The following BNC2 variants were observed in gnomAD, a reference collection of about 807,000 sequenced individuals.
The protein encoded by BNC2 is basonuclin zinc finger protein 2.
BNC2 carries 20 observed loss-of-function variants against 76.3 expected under a neutral mutation model. The ratio of observed to expected loss-of-function variants is 0.26; its 90% CI spans 0.18 to 0.38. The LOEUF is 0.38. Ranked by LOEUF, BNC2 falls within the 10% of genes least tolerant of loss-of-function variation. The pLI, the probability that BNC2 is intolerant of heterozygous loss-of-function variation, is 1.00. For synonymous variants in BNC2, 582 were observed against 514.8 expected (o/e 1.13, Z -1.77); for missense variants, 1,382 against 1,399.8 (o/e 0.99, Z 0.20).
intron 1 of BNC2, among the ~76,000 whole-genome samples, chr9:16,852,207 T>TTA (rs1052152586): frequency 2.6e-5 from 4 of 152,118 alleles, no homozygotes; most frequent in South Asian, 2.1e-4. Context: ...AATGTTCCCC[T>TTA]TATATATATA....
At chr9:16,797,608 T>C (rs541627529) in intron 1 of BNC2, among the ~76,000 whole-genome samples, 1 of 152,238 alleles carries the variant, frequency 6.6e-6, no homozygotes, top group African/African-American at 2.4e-5. Context: ...AGTAAGAGTG[T>C]CACACAAGTC....
At chr9:16,569,507 C>A (rs73419435) in intron 4 of BNC2, among the ~76,000 whole-genome samples, 2 of 152,034 alleles carry the variant, frequency 1.3e-5, no homozygotes, top group South Asian at 4.2e-4. Flanking sequence ...GGCATTTCCC[C>A]CTGTGGCCTT....
intron 1 of BNC2, among the ~76,000 whole-genome samples, chr9:16,862,937 C>G (rs1017954718): frequency 1.7e-4 from 24 of 140,914 alleles, no homozygotes; most frequent in Non-Finnish European, 3.2e-4. Context: ...TTTTTTGAGA[C>G]AAAGTCTTGC....
intron 3 of BNC2, among the ~76,000 whole-genome samples, chr9:16,692,388 C>T (rs750027135): frequency 6.6e-6 from 1 of 152,152 alleles, no homozygotes; most frequent in Non-Finnish European, 1.5e-5. Flanking sequence ...AAATCTCTAC[C>T]GCAATATCTT....
At position 16,770,694 on chromosome 9, in the gene BNC2, A is replaced by AC. The variant is rs946778849; in HGVS notation, c.4-32210dup. 7.9e-5 allele frequency among the ~76,000 whole-genome samples: 12 copies of AC among 151,260 alleles called. 1 individual carries two copies. In the South Asian group the frequency reaches 2.3e-3, roughly 29 times the overall value. ...AGCATGGGCAACATGGTAAAACCCC[A>AC]CCTCTACAAAAAATACAAAAATTAG... On this transcript the variant is annotated intron_variant, in intron 1 of 6. Transcript: ENST00000380672.
chr9:16,801,957 A>G (rs980454115), intron 1 of BNC2, among the ~76,000 whole-genome samples: 5 of 152,180 alleles, frequency 3.3e-5, no homozygotes, highest in South Asian at 2.1e-4. Context: ...AGTATCATCA[A>G]CTAGTATACA....
intron 1 of BNC2, among the ~76,000 whole-genome samples, chr9:16,860,867 G>C (rs907082232): frequency 1.3e-5 from 2 of 151,776 alleles, no homozygotes; most frequent in African/African-American, 4.8e-5. Context: ...CCAACATAGA[G>C]AAACCCTATC....
At chr9:16,568,376 C>T (rs1819225231) in intron 4 of BNC2, among the ~76,000 whole-genome samples, 1 of 152,122 alleles carries the variant, frequency 6.6e-6, no homozygotes, top group African/African-American at 2.4e-5. Context: ...ACTCCTATCT[C>T]AAATGTCCAG....
At chr9:16,725,435 T>C (rs1194158063) in intron 3 of BNC2, among the ~76,000 whole-genome samples, 3 of 151,864 alleles carry the variant, frequency 2.0e-5, no homozygotes, top group African/African-American at 4.8e-5. Context: ...TTTCCAAAAA[T>C]GCACAAGAGG....
At chr9:16,785,556 G>A (rs893944425) in intron 1 of BNC2, among the ~76,000 whole-genome samples, 5 of 86,840 alleles carry the variant, frequency 5.8e-5, no homozygotes, top group Admixed American at 1.6e-4. Context: ...CACTACACCC[G>A]GCTTTTTTTT....
At chr9:16,799,951 G>A (rs924245053) in intron 1 of BNC2, among the ~76,000 whole-genome samples, 6 of 152,038 alleles carry the variant, frequency 3.9e-5, no homozygotes, top group East Asian at 1.9e-4. Context: ...GAGGCCGGGC[G>A]CGGTGGCTCA....
chr9:16,665,729 C>T (rs1822272245), intron 3 of BNC2, among the ~76,000 whole-genome samples: 1 of 152,018 alleles, frequency 6.6e-6, no homozygotes, highest in African/African-American at 2.4e-5. Flanking sequence ...GAAACCAAGC[C>T]CTGGAACTGC....
chr9:16,573,057 A>C (rs1030857574), intron 4 of BNC2, among the ~76,000 whole-genome samples: 27 of 151,954 alleles, frequency 1.8e-4, no homozygotes, highest in African/African-American at 6.5e-4. Flanking sequence ...ACGAAACCCT[A>C]TCTCTACAAA....
At chr9:16,733,578 A>C (rs1824575982) in intron 2 of BNC2, among the ~76,000 whole-genome samples, 1 of 152,162 alleles carries the variant, frequency 6.6e-6, no homozygotes, top group South Asian at 2.1e-4. Flanking sequence ...TACACACACA[A>C]AGATGAAATA....
chr9:16,700,509 T>C (rs1563905346), intron 3 of BNC2, among the ~76,000 whole-genome samples: 1 of 152,186 alleles, frequency 6.6e-6, no homozygotes, highest in Non-Finnish European at 1.5e-5. Context: ...ACACCCTGTC[T>C]GTGCTGCGCA....
intron 3 of BNC2, among the ~76,000 whole-genome samples, chr9:16,629,120 G>A (rs1391348536): frequency 6.6e-6 from 1 of 152,158 alleles, no homozygotes; most frequent in Non-Finnish European, 1.5e-5. Flanking sequence ...CACATACAGA[G>A]AAGTCAAATG....
chr9:16,772,510 T>C (rs1374553382), intron 1 of BNC2, among the ~76,000 whole-genome samples: 1 of 152,126 alleles, frequency 6.6e-6, no homozygotes, highest in Non-Finnish European at 1.5e-5. Context: ...GCTTAGTAGA[T>C]GAAAACCTTT....
chr9:16,453,752 G>T (rs1335454613), intron 5 of BNC2, among the ~76,000 whole-genome samples: 5 of 152,182 alleles, frequency 3.3e-5, no homozygotes, highest in Non-Finnish European at 7.3e-5. Flanking sequence ...CAGAGGCAGA[G>T]GTTGCAGTGA....
chr9:16,688,165 C>G (rs1249365659), intron 3 of BNC2, among the ~76,000 whole-genome samples: 1 of 152,132 alleles, frequency 6.6e-6, no homozygotes, highest in Non-Finnish European at 1.5e-5. Context: ...ACACTCTCAC[C>G]CCATCCACCA....
Sources: gnomAD v4.1 joint callset for allele counts (sites outside exome capture counted in the v4.1 genomes callset) on GRCh38, gnomAD v4.1.1 for gene constraint, MANE v1.5 for transcripts, NCBI Gene and HGNC (gene_info 2026-07-23, HGNC 2026-07-21) for gene names.